Variants in CEP85L observed in about 807,000 individuals in gnomAD.
The protein encoded by CEP85L is centrosomal protein 85L.
In CEP85L, 60 loss-of-function variants were observed where a neutral mutation model predicts 100.3. The ratio of observed to expected loss-of-function variants is 0.60; its 90% confidence interval spans 0.49 to 0.74. The LOEUF (loss-of-function observed/expected upper bound fraction) is 0.74, where lower values mean the gene tolerates loss of function less well. Among genes scored for constraint, CEP85L ranks in the 30% least tolerant of loss-of-function variants. The probability of loss-of-function intolerance (pLI) is 0.00; values close to 1 mark genes in which losing one functional copy is unlikely to be tolerated. For missense variants in CEP85L, 973 were observed against 936.2 expected (o/e 1.04, Z -0.51); for synonymous variants, 319 against 322.7 (o/e 0.99, Z 0.12).
chr6:118,623,323 T>C (rs1207355143), intron 2 of CEP85L, among the ~76,000 whole-genome samples: 2 of 152,234 alleles, frequency 1.3e-5, no homozygotes, highest in Non-Finnish European at 1.5e-5. Context: ...TCAATACTTG[T>C]TGGTCTATGT....
intron 1 of CEP85L, among the ~76,000 whole-genome samples, chr6:118,642,133 A>T (rs1429949827): frequency 2.0e-5 from 3 of 152,246 alleles, no homozygotes; most frequent in African/African-American, 7.2e-5. Context: ...AGTACATTTT[A>T]AAATTGATAA....
intron 2 of CEP85L, among the ~76,000 whole-genome samples, chr6:118,587,526 T>A (rs1780936440): frequency 6.6e-6 from 1 of 152,126 alleles, no homozygotes; most frequent in Non-Finnish European, 1.5e-5. Flanking sequence ...CTCCTTCTGG[T>A]TGGAAGTACC....
chr6:118,632,758 A>G, intron 1 of CEP85L, 147 bp from the exon 2 acceptor site: 3 of 564,080 alleles, frequency 5.3e-6, no homozygotes, highest in Non-Finnish European at 8.9e-6. Context: ...AACAAAATTA[A>G]CCAAATAAAT....
chr6:118,461,371 A>G lies in CEP85L; in HGVS notation c.*4034T>C, dbSNP rs1041047751. On this transcript the variant is annotated 3_prime_UTR_variant, in exon 13 of 13. Transcript: ENST00000368491. ...TCTGATAATTCCCCTCATGTTTACT[A>G]AGGTATCCACCTAGTAACAAAAAAC... is the stretch of plus-strand genomic sequence containing the variant. 1.3e-5 allele frequency: 2 copies of G among 152,086 alleles called. No individual in the cohort carries two copies. Among genetic ancestry groups the G allele is most frequent in the Non-Finnish European group, 2.9e-5 (2 of 67,962 alleles). The allele number at this position is 152,086 out of a possible 1,614,324, so 9.4% of individuals were successfully genotyped here.
intron 3 of CEP85L, among the ~76,000 whole-genome samples, chr6:118,546,780 T>A (rs1778229707): frequency 6.6e-6 from 1 of 152,124 alleles, no homozygotes; most frequent in Non-Finnish European, 1.5e-5. Context: ...TACTGAGAGA[T>A]CCTCATTATG....
intron 2 of CEP85L, among the ~76,000 whole-genome samples, chr6:118,581,357 G>C (rs1780566900): frequency 6.6e-6 from 1 of 152,098 alleles, no homozygotes; most frequent in South Asian, 2.1e-4. Flanking sequence ...GCAGGATATA[G>C]AGTTCAATCT....
chr6:118,581,850 C>T (rs1780594894), intron 2 of CEP85L, among the ~76,000 whole-genome samples: 1 of 152,116 alleles, frequency 6.6e-6, no homozygotes, highest in African/African-American at 2.4e-5. Flanking sequence ...AGAGCATAGC[C>T]TTCTTACTAT....
rs1032559022 is a variant in CEP85L, at chr6:118,480,018, A to G, written c.1864-97T>C. Reference sequence around the variant, plus strand: ...AAACAGCACAGAAATTTATAAATTTATTTTTTAAAAGGGTCTTTTTAAAAA... The same window carrying G: ...AAACAGCACAGAAATTTATAAATTTGTTTTTTAAAAGGGTCTTTTTAAAAA... On this transcript the variant is annotated intron_variant, in intron 9 of 12. Transcript: ENST00000368491. 8.6e-6 allele frequency: 6 copies of G among 697,602 alleles called. No individual in the cohort carries two copies. The East Asian group carries it at 1.6e-4, about 18-fold the overall frequency. 43.2% of individuals were successfully genotyped at this position (697,602 alleles called of 1,614,324 possible). A position where few individuals can be genotyped will look rare whatever the true frequency, so the allele number is the denominator to read the frequency against.
chr6:118,623,863 G>C (rs1773609116), intron 2 of CEP85L, among the ~76,000 whole-genome samples: 1 of 152,178 alleles, frequency 6.6e-6, no homozygotes, highest in South Asian at 2.1e-4. Context: ...GTTCCAACCA[G>C]AAGATCTAGT....
intron 2 of CEP85L, among the ~76,000 whole-genome samples, chr6:118,596,073 G>C (rs2115147372): frequency 6.6e-6 from 1 of 152,040 alleles, no homozygotes; most frequent in East Asian, 1.9e-4. Flanking sequence ...ACACATTTTA[G>C]GTTATTCTAA....
intron 2 of CEP85L, among the ~76,000 whole-genome samples, 198 bp downstream of exon 2, chr6:118,632,255 C>T (rs1209884283): frequency 6.6e-6 from 1 of 152,122 alleles, no homozygotes; most frequent in Non-Finnish European, 1.5e-5. Context: ...TCCCAAAGTG[C>T]TGGGATTATA....
chr6:118,688,140 C>A (rs1486650748), intron 1 of CEP85L, among the ~76,000 whole-genome samples: 1 of 152,068 alleles, frequency 6.6e-6, no homozygotes, highest in African/African-American at 2.4e-5. Flanking sequence ...GCGCAAGGAC[C>A]CCCCAGTAAC....
intron 10 of CEP85L, among the ~76,000 whole-genome samples, chr6:118,474,662 A>C (rs1229215610): frequency 6.6e-6 from 1 of 152,176 alleles, no homozygotes; most frequent in East Asian, 1.9e-4. Context: ...TACCATTCAG[A>C]AATTTGTCAT....
intron 1 of CEP85L, among the ~76,000 whole-genome samples, chr6:118,689,114 T>G (rs1776945205): frequency 6.6e-6 from 1 of 152,202 alleles, no homozygotes; most frequent in African/African-American, 2.4e-5. Context: ...TTCCTTTACT[T>G]ATGTTTTCTG....
intron 7 of CEP85L, 106 bp from the exon 8 acceptor site, chr6:118,482,039 A>C: frequency 1.7e-6 from 1 of 591,638 alleles, no homozygotes; most frequent in Non-Finnish European, 2.6e-6. Context: ...AGCTAAAAAA[A>C]AAAAAAAAAA....
intron 2 of CEP85L, among the ~76,000 whole-genome samples, chr6:118,606,212 ATCCT>A (rs1772207430): frequency 6.6e-6 from 1 of 152,150 alleles, no homozygotes; most frequent in South Asian, 2.1e-4. Context: ...AAAAAAACAA[ATCCT>A]TTCAGATCTC....
chr6:118,668,391 G>C (rs1776196030), intron 1 of CEP85L, among the ~76,000 whole-genome samples: 1 of 152,212 alleles, frequency 6.6e-6, no homozygotes, highest in Non-Finnish European at 1.5e-5. Context: ...TATACACCCA[G>C]ACTTCAAATG....
At chr6:118,557,168 C>T (rs1023937831) in intron 3 of CEP85L, among the ~76,000 whole-genome samples, 2 of 152,122 alleles carry the variant, frequency 1.3e-5, no homozygotes, top group African/African-American at 2.4e-5. Flanking sequence ...AAAGGAATAA[C>T]AATTTGAATC....
intron 2 of CEP85L, among the ~76,000 whole-genome samples, chr6:118,580,717 A>G (rs533023929): frequency 2.0e-5 from 3 of 152,322 alleles, no homozygotes; most frequent in African/African-American, 7.2e-5. Context: ...TCTGGACCAG[A>G]CCCAGCCTCC....
Sources: gnomAD v4.1 joint callset for allele counts (sites outside exome capture counted in the v4.1 genomes callset) on GRCh38, gnomAD v4.1.1 for gene constraint, MANE v1.5 for transcripts, NCBI Gene and HGNC (gene_info 2026-07-23, HGNC 2026-07-21) for gene names.